CRPPA: variants seen among roughly 807,000 people sequenced by gnomAD.
The protein encoded by CRPPA is D-ribitol-5-phosphate cytidylyltransferase.
Under a neutral mutation model 52.0 loss-of-function variants are expected in CRPPA, and 43 were observed. The ratio of observed to expected loss-of-function variants is 0.83; its 90% CI spans 0.65 to 1.07. The LOEUF (loss-of-function observed/expected upper bound fraction) is 1.07. CRPPA is among the 50% of genes least tolerant of loss of function. The pLI is 0.00. For missense variants in CRPPA, 629 were observed against 551.7 expected, an observed-to-expected ratio of 1.14 and a Z score of -1.40; for synonymous variants, 250 against 203.5, an observed-to-expected ratio of 1.23 and a Z score of -1.94.
At chr7:16,315,558 C>T (rs1489466195) in intron 3 of CRPPA, among the ~76,000 whole-genome samples, 2 of 152,032 alleles carry the variant, frequency 1.3e-5, no homozygotes, top group Admixed American at 6.6e-5. Context: ...ATAGTTTAGG[C>T]CTTTATAAGA....
intron 3 of CRPPA, among the ~76,000 whole-genome samples, chr7:16,341,546 G>A (rs1040242777): frequency 2.0e-5 from 3 of 152,212 alleles, no homozygotes; most frequent in Non-Finnish European, 2.9e-5. Flanking sequence ...AGTCCTGTTT[G>A]TTGTACAGAG....
intron 5 of CRPPA, among the ~76,000 whole-genome samples, chr7:16,283,246 T>C (rs1417517049): frequency 6.7e-6 from 1 of 149,490 alleles, no homozygotes; most frequent in African/African-American, 2.4e-5. Context: ...GATCTACTGA[T>C]CTACCATATA....
chr7:16,281,088 T>C (rs544815883), intron 5 of CRPPA, among the ~76,000 whole-genome samples: 2 of 152,362 alleles, frequency 1.3e-5, no homozygotes, highest in African/African-American at 4.8e-5. Flanking sequence ...AGAACACATT[T>C]GTTGTTTAGG....
chr7:16,386,464 G>A (rs1049820159), intron 2 of CRPPA, among the ~76,000 whole-genome samples: 1 of 152,238 alleles, frequency 6.6e-6, no homozygotes, highest in South Asian at 2.1e-4. Context: ...TGAGGATGGG[G>A]CCTTTGCCAG....
intron 3 of CRPPA, among the ~76,000 whole-genome samples, chr7:16,325,560 GTGA>G (rs974914092): frequency 1.3e-5 from 2 of 152,144 alleles, no homozygotes; most frequent in African/African-American, 4.8e-5. Flanking sequence ...TCCTGAAAGA[GTGA>G]TGACTATATA....
intron 3 of CRPPA, among the ~76,000 whole-genome samples, chr7:16,311,122 T>C (rs924836639): frequency 5.3e-5 from 8 of 152,130 alleles, no homozygotes; most frequent in Non-Finnish European, 7.4e-5. Context: ...TCTCCTACTA[T>C]TGAAACCTTG....
intron 1 of CRPPA, among the ~76,000 whole-genome samples, chr7:16,408,218 T>C (rs1317386534): frequency 1.3e-5 from 2 of 151,984 alleles, no homozygotes; most frequent in Non-Finnish European, 2.9e-5. Context: ...TTGCAAGCTG[T>C]GATTAAACAC....
chr7:16,400,071 C>T (rs1399172304), intron 2 of CRPPA, among the ~76,000 whole-genome samples: 1 of 152,054 alleles, frequency 6.6e-6, no homozygotes, highest in Non-Finnish European at 1.5e-5. Context: ...ACGTGATCGG[C>T]AACGTGTATG....
chr7:16,358,676 A>C lies in CRPPA; in HGVS notation c.684+17416T>G, dbSNP rs571694408. On this transcript the variant is annotated intron_variant, in intron 3 of 9. Transcript: ENST00000407010. ...GAAAACTCCCACTATTTCACATTTC[A>C]GAGTAACTACTTGAGGCAAATGTAC... Among the ~76,000 whole-genome samples the C allele has an allele frequency of 3.3e-5, 5 of 152,352 alleles. No individual in the cohort carries two copies. The South Asian group carries it at 1.0e-3, about 32-fold the overall frequency.
intron 2 of CRPPA, among the ~76,000 whole-genome samples, chr7:16,393,455 G>A (rs1246489315): frequency 6.6e-6 from 1 of 152,046 alleles, no homozygotes; most frequent in East Asian, 1.9e-4. Flanking sequence ...CTCAATATAT[G>A]ACAGAAGTGG....
At chr7:16,280,263 T>A (rs1432328629) in intron 5 of CRPPA, among the ~76,000 whole-genome samples, 1 of 152,202 alleles carries the variant, frequency 6.6e-6, no homozygotes, top group Admixed American at 6.5e-5. Flanking sequence ...AGGGATCCCT[T>A]GCTGTCTTGG....
At chr7:16,328,772 C>T (rs1436538173) in intron 3 of CRPPA, among the ~76,000 whole-genome samples, 4 of 152,308 alleles carry the variant, frequency 2.6e-5, no homozygotes, top group African/African-American at 9.6e-5. Context: ...GCCTCAGCCT[C>T]CCAAAGTGCT....
At chr7:16,294,181 T>C (rs1322115125) in intron 5 of CRPPA, among the ~76,000 whole-genome samples, 3 of 151,948 alleles carry the variant, frequency 2.0e-5, no homozygotes, top group Non-Finnish European at 2.9e-5. Context: ...CATGAGGATA[T>C]TTACCAAATG....
chr7:16,393,515 G>A (rs948182329), intron 2 of CRPPA, among the ~76,000 whole-genome samples: 8 of 152,074 alleles, frequency 5.3e-5, no homozygotes, highest in African/African-American at 1.7e-4. Flanking sequence ...ATGGTGCTAG[G>A]CAAAGACTTA....
chr7:16,161,656 G>A (rs1163791151), intron 9 of CRPPA, among the ~76,000 whole-genome samples: 3 of 151,848 alleles, frequency 2.0e-5, no homozygotes, highest in Non-Finnish European at 4.4e-5. Flanking sequence ...TTTTTTTTGT[G>A]TGTGTCTCTG....
At chr7:16,219,048 C>A (rs1172637320) in intron 8 of CRPPA, among the ~76,000 whole-genome samples, 1 of 152,168 alleles carries the variant, frequency 6.6e-6, no homozygotes, top group Non-Finnish European at 1.5e-5. Flanking sequence ...GGAAGTAAGG[C>A]TCTCCTCAGC....
chr7:16,107,394 A>G (rs1434893074), intron 9 of CRPPA, among the ~76,000 whole-genome samples: 1 of 152,172 alleles, frequency 6.6e-6, no homozygotes, highest in Non-Finnish European at 1.5e-5. Context: ...TCACATACAA[A>G]GGAATGACAA....
chr7:16,164,548 T>C (rs1781005334), intron 9 of CRPPA, among the ~76,000 whole-genome samples: 1 of 152,184 alleles, frequency 6.6e-6, no homozygotes, highest in African/African-American at 2.4e-5. Flanking sequence ...TTTGTTCCCT[T>C]GCTGGCGAGG....
intron 2 of CRPPA, among the ~76,000 whole-genome samples, chr7:16,397,955 G>C: frequency 6.6e-6 from 1 of 152,214 alleles, no homozygotes; most frequent in Non-Finnish European, 1.5e-5. Flanking sequence ...TGACACGTTT[G>C]ACATGTGACT....
Sources: gnomAD v4.1 joint callset for allele counts (sites outside exome capture counted in the v4.1 genomes callset) on GRCh38, gnomAD v4.1.1 for gene constraint, MANE v1.5 for transcripts, NCBI Gene and HGNC (gene_info 2026-07-23, HGNC 2026-07-21) for gene names.